UBE2V2: variants seen among roughly 807,000 people sequenced by gnomAD.
UBE2V2 encodes the protein ubiquitin-conjugating enzyme E2 variant 2.
UBE2V2 carries 9 observed loss-of-function variants against 17.2 expected under a neutral mutation model. The ratio of observed to expected loss-of-function variants is 0.52; its 90% CI spans 0.32 to 0.91. The LOEUF (loss-of-function observed/expected upper bound fraction) is 0.91. UBE2V2 is among the 40% of genes least tolerant of loss of function. The probability of loss-of-function intolerance (pLI) is 0.04; values close to 1 mark genes in which losing one functional copy is unlikely to be tolerated. For synonymous variants in UBE2V2, 61 were observed against 57.5 expected (o/e 1.06, Z -0.28); for missense variants, 133 against 182.6 (o/e 0.73, Z 1.56).
At chr8:48,018,121 G>GC (rs1202833474) in intron 1 of UBE2V2, among the ~76,000 whole-genome samples, 2 of 152,166 alleles carry the variant, frequency 1.3e-5, no homozygotes, top group Non-Finnish European at 2.9e-5. Flanking sequence ...ACAGGTGTGA[G>GC]CCACCATGCC....
rs770027131 is a variant in UBE2V2 at position 48,035,619 on chromosome 8, G to GTTT, written c.17-7403_17-7401dup. On this transcript the variant is annotated intron_variant, in intron 1 of 3. Coordinates refer to ENST00000523111, the MANE Select transcript of UBE2V2 (RefSeq NM_003350.3). ...TCACAATACATATTTAAAAATTATT[G>GTTT]TTTTTTTTTTTTTGTGTGTGTGTGT... 3.4e-3 allele frequency among the ~76,000 whole-genome samples: 290 copies of GTTT among 84,582 alleles called. 6 individuals are homozygous for GTTT. The highest frequency in any genetic ancestry group is 4.7e-3 in the Non-Finnish European group (221 of 47,488). The allele number at this position is 84,582 out of a possible 152,430, so 55.5% of individuals were successfully genotyped here. A position where few individuals can be genotyped will look rare whatever the true frequency, so the allele number is the denominator to read the frequency against.
chr8:48,012,103 A>G (rs992904561), intron 1 of UBE2V2, among the ~76,000 whole-genome samples: 4 of 152,188 alleles, frequency 2.6e-5, no homozygotes, highest in Non-Finnish European at 1.5e-5. Flanking sequence ...CCTTAGTCTG[A>G]TGCGCTCTCC....
In UBE2V2 at chr8:48,027,459, A is replaced by G. The variant is rs1022150348; in HGVS notation, c.17-15574A>G. Among the ~76,000 whole-genome samples the G allele has an allele frequency of 2.0e-5, 3 of 152,138 alleles. No individual in the cohort carries two copies. In the East Asian group the frequency reaches 5.8e-4, roughly 29 times the overall value. On this transcript the variant is annotated intron_variant, in intron 1 of 3. Transcript: ENST00000523111. ...TTTGATTTGCATTTCCCTGATAACTAGTGTTATTGAGTATCTTTTCATGTG... is the reference window on the plus strand; with the variant it reads ...TTTGATTTGCATTTCCCTGATAACTGGTGTTATTGAGTATCTTTTCATGTG...
At chr8:48,040,844 G>GTTTTTTTTTTTTTTTTT (rs71225699) in intron 1 of UBE2V2, among the ~76,000 whole-genome samples, 1 of 74,128 alleles carries the variant, frequency 1.3e-5, no homozygotes, top group Non-Finnish European at 2.4e-5. Context: ...GCCAGGCTGG[G>GTTTTTTTTTTTTTTTTT]TTTTTTTTTT....
intron 2 of UBE2V2, among the ~76,000 whole-genome samples, chr8:48,046,826 C>T (rs1330291869): frequency 6.6e-6 from 1 of 152,188 alleles, no homozygotes; most frequent in Non-Finnish European, 1.5e-5. Flanking sequence ...GTCTCAAACT[C>T]CTGGGCTCAA....
chr8:48,008,316 G>A (rs907128903), upstream of UBE2V2: 1 of 1,192,468 alleles, frequency 8.4e-7, no homozygotes, highest in South Asian at 2.1e-5. Context: ...CTCGGCCCAC[G>A]TGCGCGCTGT....
At chr8:48,028,234 C>T (rs1006990838) in intron 1 of UBE2V2, among the ~76,000 whole-genome samples, 4 of 152,002 alleles carry the variant, frequency 2.6e-5, no homozygotes, top group Non-Finnish European at 5.9e-5. Context: ...GTGTCATGAT[C>T]TCAGCTCACT....
In UBE2V2 at chr8:48,063,577, T is replaced by A. The variant is rs1802624952; in HGVS notation, c.*2749T>A. On this transcript the variant is annotated 3_prime_UTR_variant, in exon 4 of 4. Coordinates refer to ENST00000523111, the MANE Select transcript of UBE2V2 (RefSeq NM_003350.3). ...CTGTTAGGTCAGTGTTATGATTTAA[T>A]GGTTTTAATTACTTAACCAATTTTA... The A allele has an allele frequency of 6.6e-6, 1 of 152,228 alleles. No homozygotes were observed. Among genetic ancestry groups the A allele is most frequent in the Non-Finnish European group, 1.5e-5 (1 of 68,038 alleles). 9.4% of individuals were successfully genotyped at this position (152,228 alleles called of 1,614,324 possible).
At chr8:48,003,149 G>A in the UBE2V2 span, among the ~76,000 whole-genome samples, 1 of 151,160 alleles carries the variant, frequency 6.6e-6, no homozygotes, top group Non-Finnish European at 1.5e-5. Flanking sequence ...GGTGGAGGTT[G>A]CAGTGAGCCA....
At chr8:48,008,420 T>G (rs778777030), upstream of UBE2V2, 11 of 1,560,504 alleles carry the variant, frequency 7.0e-6, no homozygotes, top group East Asian at 2.4e-4. Context: ...GGTTCGTGCG[T>G]GCGTGCGGGC....
At chr8:48,044,977 C>A (rs1264893090) in intron 2 of UBE2V2, among the ~76,000 whole-genome samples, 1 of 152,152 alleles carries the variant, frequency 6.6e-6, no homozygotes, top group African/African-American at 2.4e-5. Flanking sequence ...GGTCTTTCAC[C>A]CGGTTGGGGT....
intron 1 of UBE2V2, among the ~76,000 whole-genome samples, chr8:48,014,413 G>A (rs908628151): frequency 2.0e-5 from 3 of 151,970 alleles, no homozygotes; most frequent in Non-Finnish European, 2.9e-5. Flanking sequence ...GGGAGGCTGA[G>A]GGGGGCGGAT....
chr8:48,047,602 G>T (rs1358232616), intron 2 of UBE2V2, among the ~76,000 whole-genome samples: 1 of 151,144 alleles, frequency 6.6e-6, no homozygotes, highest in Non-Finnish European at 1.5e-5. Flanking sequence ...TTGCCACCCA[G>T]GCTGGAGTGC....
At chr8:48,007,103 T>C (rs1047216162), upstream of UBE2V2, among the ~76,000 whole-genome samples, 16 of 151,708 alleles carry the variant, frequency 1.1e-4, no homozygotes, top group Admixed American at 2.6e-4. Context: ...TTAGCCAAGA[T>C]GGTCTTGATC....
the UBE2V2 span, among the ~76,000 whole-genome samples, chr8:47,997,500 C>G: frequency 6.6e-6 from 1 of 151,994 alleles, no homozygotes; most frequent in Non-Finnish European, 1.5e-5. Flanking sequence ...TTGTTTCCTT[C>G]TCATCCAGAA....
chr8:48,008,983 C>T (rs1270167052), intron 1 of UBE2V2, among the ~76,000 whole-genome samples: 1 of 152,138 alleles, frequency 6.6e-6, no homozygotes, highest in Non-Finnish European at 1.5e-5. Context: ...TCTTTCTTAC[C>T]TGACTGAATA....
intron 1 of UBE2V2, among the ~76,000 whole-genome samples, chr8:48,028,274 C>G (rs1004420990): frequency 6.6e-6 from 1 of 151,902 alleles, no homozygotes; most frequent in Non-Finnish European, 1.5e-5. Flanking sequence ...TTCAAGTGAT[C>G]CTCCCACGTT....
chr8:48,024,913 A>G (rs2091329787), intron 1 of UBE2V2, among the ~76,000 whole-genome samples: 1 of 151,480 alleles, frequency 6.6e-6, no homozygotes, highest in African/African-American at 2.4e-5. Flanking sequence ...GTAAATACAT[A>G]TATATTATTT....
the UBE2V2 span, among the ~76,000 whole-genome samples, chr8:47,999,635 C>T: frequency 1.3e-5 from 2 of 152,140 alleles, no homozygotes; most frequent in Admixed American, 6.5e-5. Flanking sequence ...GCTGTGATTA[C>T]AGGCATGAGC....
Sources: allele counts gnomAD v4.1 joint callset (sites outside exome capture counted in the v4.1 genomes callset), GRCh38; gene constraint gnomAD v4.1.1; transcripts MANE v1.5; gene names NCBI Gene and HGNC (gene_info 2026-07-23, HGNC 2026-07-21).